The following HEMK2 variants were observed in gnomAD, a reference collection of about 807,000 sequenced individuals.
HEMK2 encodes the protein methyltransferase HEMK2.
At chr21:28,623,871 A>G in the HEMK2 span, among the ~76,000 whole-genome samples, 4 of 152,238 alleles carry the variant, frequency 2.6e-5, no homozygotes, top group African/African-American at 9.6e-5. Flanking sequence ...CATTATGAGA[A>G]ATACCTAATG....
At chr21:28,817,604 T>G in the HEMK2 span, among the ~76,000 whole-genome samples, 1 of 152,360 alleles carries the variant, frequency 6.6e-6, no homozygotes, top group East Asian at 1.9e-4. Context: ...GAGAAATATA[T>G]ACACTTTGAA....
chr21:28,594,560 T>C, the HEMK2 span, among the ~76,000 whole-genome samples: 6 of 152,328 alleles, frequency 3.9e-5, no homozygotes, highest in East Asian at 9.6e-4. Flanking sequence ...TAGGCAATAC[T>C]GCCTTTTTTA....
chr21:28,823,084 GC>G, the HEMK2 span, among the ~76,000 whole-genome samples: 1 of 152,180 alleles, frequency 6.6e-6, no homozygotes, highest in Admixed American at 6.5e-5. Context: ...TGGCTATCAA[GC>G]TTGACAAATG....
chr21:28,770,124 T>C, the HEMK2 span, among the ~76,000 whole-genome samples: 4 of 152,126 alleles, frequency 2.6e-5, no homozygotes, highest in East Asian at 3.9e-4. Context: ...TTTTGTGACG[T>C]TGAATTTGTA....
chr21:28,599,092 A>G, the HEMK2 span, among the ~76,000 whole-genome samples: 849 of 152,328 alleles, frequency 5.6e-3, 9 homozygotes, highest in African/African-American at 0.02. Context: ...AGTGAAGGTA[A>G]AAGCAAATAT....
At chr21:28,819,764 G>T in the HEMK2 span, among the ~76,000 whole-genome samples, 3 of 151,878 alleles carry the variant, frequency 2.0e-5, no homozygotes, top group Non-Finnish European at 4.4e-5. Context: ...TGGCCAGGAT[G>T]GTCTCGATCT....
the HEMK2 span, among the ~76,000 whole-genome samples, chr21:28,699,396 G>T: frequency 6.6e-6 from 1 of 152,174 alleles, no homozygotes; most frequent in African/African-American, 2.4e-5. Context: ...TAGGAAAAAT[G>T]AATACATTGA....
chr21:28,769,937 T>C, the HEMK2 span, among the ~76,000 whole-genome samples: 1 of 152,156 alleles, frequency 6.6e-6, no homozygotes, highest in Non-Finnish European at 1.5e-5. Context: ...TTTCCTGCCT[T>C]TGGGCTAATG....
chr21:28,805,953 C>T, the HEMK2 span, among the ~76,000 whole-genome samples: 9 of 152,228 alleles, frequency 5.9e-5, no homozygotes, highest in South Asian at 6.2e-4. Flanking sequence ...ATAGTGTTTC[C>T]GCCTACTCTG....
chr21:28,722,363 A>G, the HEMK2 span, among the ~76,000 whole-genome samples: 1 of 152,210 alleles, frequency 6.6e-6, no homozygotes, highest in Non-Finnish European at 1.5e-5. Flanking sequence ...CCAAGCCAGC[A>G]GGAACAGGAG....
the HEMK2 span, among the ~76,000 whole-genome samples, chr21:28,808,359 A>T: frequency 1.3e-5 from 2 of 150,452 alleles, no homozygotes; most frequent in African/African-American, 4.9e-5. Flanking sequence ...AATGTTCTAG[A>T]TCCCTTGCAT....
the HEMK2 span, among the ~76,000 whole-genome samples, chr21:28,705,857 C>T: frequency 6.6e-6 from 1 of 152,154 alleles, no homozygotes; most frequent in African/African-American, 2.4e-5. Flanking sequence ...CCAAATGCAA[C>T]AAAAATGCAG....
At chr21:28,675,155 T>C in the HEMK2 span, among the ~76,000 whole-genome samples, 51 of 152,362 alleles carry the variant, frequency 3.3e-4, no homozygotes, top group South Asian at 0.01. Flanking sequence ...AACTGGCTTA[T>C]TTGTCCATGT....
At chr21:28,816,854 G>C in the HEMK2 span, among the ~76,000 whole-genome samples, 2 of 152,214 alleles carry the variant, frequency 1.3e-5, no homozygotes, top group Non-Finnish European at 2.9e-5. Context: ...CAGCTGCCTG[G>C]TAAGTGCTCC....
chr21:28,883,862 T>C, the HEMK2 span, among the ~76,000 whole-genome samples: 1 of 152,188 alleles, frequency 6.6e-6, no homozygotes, highest in African/African-American at 2.4e-5. Context: ...TAGTTAGGAC[T>C]ATAGGCACGA....
chr21:28,603,043 A>G, the HEMK2 span, among the ~76,000 whole-genome samples: 1 of 152,186 alleles, frequency 6.6e-6, no homozygotes, highest in African/African-American at 2.4e-5. Flanking sequence ...GAAATCCACG[A>G]TGGTGAATTC....
At chr21:28,657,668 A>G in the HEMK2 span, among the ~76,000 whole-genome samples, 1 of 152,142 alleles carries the variant, frequency 6.6e-6, no homozygotes, top group East Asian at 1.9e-4. Flanking sequence ...GTTTGGACAA[A>G]GAATACTGGA....
chr21:28,817,921 T>G, the HEMK2 span, among the ~76,000 whole-genome samples: 36 of 152,256 alleles, frequency 2.4e-4, no homozygotes, highest in African/African-American at 8.2e-4. Context: ...TCTTGTAAAA[T>G]TGCCATGTAG....
the HEMK2 span, among the ~76,000 whole-genome samples, chr21:28,594,196 T>A: frequency 6.6e-6 from 1 of 152,052 alleles, no homozygotes; most frequent in Non-Finnish European, 1.5e-5. Context: ...TAATAAAAAG[T>A]AAGAAAACTC....
Sources: gnomAD v4.1 joint callset for allele counts (sites outside exome capture counted in the v4.1 genomes callset) on GRCh38, gnomAD v4.1.1 for gene constraint, MANE v1.5 for transcripts, NCBI Gene and HGNC (gene_info 2026-07-23, HGNC 2026-07-21) for gene names.